EPHA3: variants seen among roughly 807,000 people sequenced by gnomAD.
The protein encoded by EPHA3 is EPH receptor A3, also known as ephrin type-A receptor 3.
A neutral mutation model predicts 107.1 loss-of-function variants in EPHA3; 42 were observed. The ratio of observed to expected loss-of-function variants is 0.39; its 90% CI spans 0.31 to 0.51. EPHA3 has a LOEUF of 0.51. EPHA3 is among the 20% of genes least tolerant of loss of function. The probability of loss-of-function intolerance (pLI) is 0.78; values close to 1 mark genes in which losing one functional copy is unlikely to be tolerated. For synonymous variants in EPHA3, 461 were observed against 424.8 expected (o/e 1.09, Z -1.05); for missense variants, 1,183 against 1,211.2 (o/e 0.98, Z 0.35).
intron 3 of EPHA3, among the ~76,000 whole-genome samples, chr3:89,219,703 G>C (rs11715739): frequency 3.8e-5 from 1 of 26,232 alleles, no homozygotes; most frequent in South Asian, 2.0e-3. Flanking sequence ...TTTTTTTTTT[G>C]TTTTTTGTTT....
At chr3:89,384,818 A>G (rs1295365092) in intron 5 of EPHA3, among the ~76,000 whole-genome samples, 1 of 152,194 alleles carries the variant, frequency 6.6e-6, no homozygotes, top group East Asian at 1.9e-4. Context: ...AAATATTTAG[A>G]TGAATAACCA....
intron 15 of EPHA3, 140 bp downstream of exon 15, chr3:89,450,510 T>G (rs2107555842): frequency 1.4e-6 from 1 of 732,014 alleles, no homozygotes; most frequent in African/African-American, 1.8e-5. Context: ...GTATTTCCCC[T>G]TTCTTTTTTA....
At chr3:89,469,707 CTCATAT>C (rs1710362992) in intron 15 of EPHA3, among the ~76,000 whole-genome samples, 1 of 152,152 alleles carries the variant, frequency 6.6e-6, no homozygotes, top group Non-Finnish European at 1.5e-5. Flanking sequence ...ATGATTGCTA[CTCATAT>C]GTAAAACATT....
chr3:89,407,832 G>T (rs946065873), intron 8 of EPHA3, among the ~76,000 whole-genome samples: 1 of 152,074 alleles, frequency 6.6e-6, no homozygotes, highest in Non-Finnish European at 1.5e-5. Flanking sequence ...TGAACTGGAG[G>T]GTCTGCACAG....
At chr3:89,148,862 A>G (rs536352309) in intron 2 of EPHA3, among the ~76,000 whole-genome samples, 71 of 152,184 alleles carry the variant, frequency 4.7e-4, no homozygotes, top group African/African-American at 1.6e-3. Context: ...CAAATAGAAA[A>G]TAGACATTAT....
At chr3:89,435,985 A>T (rs1252450708) in intron 13 of EPHA3, among the ~76,000 whole-genome samples, 1 of 151,296 alleles carries the variant, frequency 6.6e-6, no homozygotes, top group African/African-American at 2.4e-5. Flanking sequence ...TAATAAAAAT[A>T]AAAACATATA....
At chr3:89,443,707 A>G (rs1709826716) in intron 13 of EPHA3, among the ~76,000 whole-genome samples, 1 of 152,176 alleles carries the variant, frequency 6.6e-6, no homozygotes, top group Non-Finnish European at 1.5e-5. Flanking sequence ...GTAGAAAATA[A>G]GACATACTTT....
intron 2 of EPHA3, among the ~76,000 whole-genome samples, chr3:89,174,613 GAA>G (rs1705280450): frequency 6.6e-6 from 1 of 151,830 alleles, no homozygotes; most frequent in Admixed American, 6.6e-5. Context: ...TCCCTGTCTT[GAA>G]TGTAAATCAG....
intron 2 of EPHA3, among the ~76,000 whole-genome samples, chr3:89,165,830 C>G (rs1705049053): frequency 6.6e-6 from 1 of 152,210 alleles, no homozygotes; most frequent in African/African-American, 2.4e-5. Context: ...TGTGGCTACA[C>G]TGGCCAACAA....
At chr3:89,393,453 TC>T (rs1708784121) in intron 5 of EPHA3, among the ~76,000 whole-genome samples, 1 of 152,240 alleles carries the variant, frequency 6.6e-6, no homozygotes, top group South Asian at 2.1e-4. Context: ...TTCTCACTTT[TC>T]TTTTTTTAAA....
intron 2 of EPHA3, among the ~76,000 whole-genome samples, chr3:89,132,936 T>TA (rs1017789011): frequency 1.3e-5 from 2 of 152,142 alleles, no homozygotes; most frequent in Admixed American, 6.5e-5. Context: ...TCTTCACCTC[T>TA]AAAAAAAGGA....
At position 89,350,964 on chromosome 3, in the gene EPHA3, G is replaced by T. The variant is rs893820502; in HGVS notation, c.1306+8874G>T. Among the ~76,000 whole-genome samples the T allele has an allele frequency of 6.3e-4, 95 of 151,600 alleles. 4 individuals are homozygous for T. Among genetic ancestry groups the T allele is most frequent in the South Asian group, 3.5e-3 (17 of 4,810 alleles). On this transcript the variant is annotated intron_variant, in intron 5 of 16. Coordinates refer to ENST00000336596, the MANE Select transcript of EPHA3 (RefSeq NM_005233.6). ...GGTCAGGGACCCACTTGAGGAGGCAGTCTGCCGGTTCTCAGATCTCCAGCT... is the reference window on the plus strand; with the variant it reads ...GGTCAGGGACCCACTTGAGGAGGCATTCTGCCGGTTCTCAGATCTCCAGCT...
chr3:89,244,175 G>A (rs1014625115), intron 3 of EPHA3, among the ~76,000 whole-genome samples: 6 of 151,856 alleles, frequency 4.0e-5, no homozygotes, highest in Admixed American at 2.6e-4. Context: ...TATTATTGGG[G>A]GAAATTGGCT....
At chr3:89,333,735 G>C (rs2107403226) in intron 3 of EPHA3, among the ~76,000 whole-genome samples, 1 of 152,166 alleles carries the variant, frequency 6.6e-6, no homozygotes, top group East Asian at 1.9e-4. Context: ...TAGTTGGTGT[G>C]GTGGCATGCG....
chr3:89,192,395 T>G (rs952192557), intron 2 of EPHA3, among the ~76,000 whole-genome samples: 1 of 152,052 alleles, frequency 6.6e-6, no homozygotes, highest in African/African-American at 2.4e-5. Context: ...TTCAAAATAG[T>G]AAGGCTAAGA....
chr3:89,309,114 A>G (rs1383575881), intron 3 of EPHA3, among the ~76,000 whole-genome samples: 1 of 152,142 alleles, frequency 6.6e-6, no homozygotes, highest in Non-Finnish European at 1.5e-5. Flanking sequence ...AAGTAGGCTG[A>G]GTGAAGAAAA....
At chr3:89,418,109 C>T (rs1304834822) in intron 10 of EPHA3, among the ~76,000 whole-genome samples, 1 of 151,374 alleles carries the variant, frequency 6.6e-6, no homozygotes, top group East Asian at 1.9e-4. Context: ...GGGCATGAAG[C>T]TCATAGAAAA....
intron 3 of EPHA3, among the ~76,000 whole-genome samples, chr3:89,256,596 T>G (rs1314304562): frequency 6.6e-6 from 1 of 151,214 alleles, no homozygotes; most frequent in Non-Finnish European, 1.5e-5. Context: ...AATAAATAAA[T>G]AAATAAATAA....
chr3:89,401,559 T>C (rs1576360221), intron 7 of EPHA3, among the ~76,000 whole-genome samples: 1 of 152,228 alleles, frequency 6.6e-6, no homozygotes, highest in East Asian at 1.9e-4. Flanking sequence ...TGTTAAGTGG[T>C]ACGAAGAAAG....
Sources: gnomAD v4.1 joint callset for allele counts (sites outside exome capture counted in the v4.1 genomes callset) on GRCh38, gnomAD v4.1.1 for gene constraint, MANE v1.5 for transcripts, NCBI Gene and HGNC (gene_info 2026-07-23, HGNC 2026-07-21) for gene names.